GALNT13: variants seen among roughly 807,000 people sequenced by gnomAD.
GALNT13 encodes UDP-GalNAc:polypeptide N-acetylgalactosaminyltransferase 13.
Under a neutral mutation model 64.2 loss-of-function variants are expected in GALNT13, and 28 were observed. That is an observed-to-expected ratio of 0.44 (90% CI 0.32 to 0.60). GALNT13 has a LOEUF of 0.60. Among genes scored for constraint, GALNT13 ranks in the 20% least tolerant of loss-of-function variants. GALNT13 has a pLI of 0.05. For missense variants in GALNT13, 577 were observed against 669.8 expected (o/e 0.86, Z 1.53); for synonymous variants, 214 against 224.6 (o/e 0.95, Z 0.42).
intron 1 of GALNT13, among the ~76,000 whole-genome samples, chr2:153,886,078 C>T (rs72863605): frequency 0.078 from 11,748 of 150,386 alleles, 518 homozygotes; most frequent in East Asian, 0.14. Context: ...ATACGTATAC[C>T]ACAAAAATAT....
At chr2:153,841,914 G>A in the GALNT13 span, among the ~76,000 whole-genome samples, 40 of 152,186 alleles carry the variant, frequency 2.6e-4, no homozygotes, top group Admixed American at 1.5e-3. Context: ...TACTGTTAGC[G>A]GTTCTCAGGG....
At chr2:153,151,597 TAGAC>T in the GALNT13 span, among the ~76,000 whole-genome samples, 103 of 152,218 alleles carry the variant, frequency 6.8e-4, no homozygotes, top group African/African-American at 2.4e-3. Flanking sequence ...CCAACAATGA[TAGAC>T]TGGATTAAGA....
At chr2:153,678,729 G>A in the GALNT13 span, among the ~76,000 whole-genome samples, 12 of 151,992 alleles carry the variant, frequency 7.9e-5, no homozygotes, top group Non-Finnish European at 1.5e-4. Flanking sequence ...GTGTCAAGTG[G>A]AAGCACAGTT....
At chr2:154,354,620 T>TCC (rs60192217) in intron 9 of GALNT13, among the ~76,000 whole-genome samples, 2 of 79,078 alleles carry the variant, frequency 2.5e-5, no homozygotes, top group Non-Finnish European at 6.5e-5. Flanking sequence ...AATCTCACTT[T>TCC]TTTTTTTTTT....
At chr2:153,258,763 A>C in the GALNT13 span, among the ~76,000 whole-genome samples, 2 of 152,100 alleles carry the variant, frequency 1.3e-5, no homozygotes, top group Non-Finnish European at 2.9e-5. Flanking sequence ...GTGTTTGTAT[A>C]GTTTCCATAT....
At chr2:153,109,434 G>T in the GALNT13 span, among the ~76,000 whole-genome samples, 2 of 152,256 alleles carry the variant, frequency 1.3e-5, no homozygotes, top group Admixed American at 6.5e-5. Context: ...ATGGAAAACA[G>T]AACAGACCCT....
chr2:153,962,891 A>G (rs982747833), intron 3 of GALNT13, among the ~76,000 whole-genome samples: 3 of 152,198 alleles, frequency 2.0e-5, no homozygotes, highest in Non-Finnish European at 4.4e-5. Context: ...GTTGAATTGT[A>G]CTACTCAGCA....
chr2:154,073,836 C>T (rs929697552), intron 3 of GALNT13, among the ~76,000 whole-genome samples: 19 of 151,630 alleles, frequency 1.3e-4, no homozygotes, highest in Admixed American at 4.0e-4. Context: ...CAATTTCTAA[C>T]GGAATATATG....
At chr2:153,672,605 G>A in the GALNT13 span, among the ~76,000 whole-genome samples, 1 of 152,250 alleles carries the variant, frequency 6.6e-6, no homozygotes, top group East Asian at 1.9e-4. Context: ...AAGCAGGAAA[G>A]ATCTAAAATC....
the GALNT13 span, among the ~76,000 whole-genome samples, chr2:153,747,422 GTTTTTTT>G: frequency 2.1e-5 from 2 of 93,750 alleles, no homozygotes; most frequent in African/African-American, 1.0e-4. Context: ...AGTGCCTTTG[GTTTTTTT>G]TTTTTTTTTT....
At position 154,013,675 on chromosome 2, in the gene GALNT13, C is replaced by T. The variant is rs186196400; in HGVS notation, c.142+69036C>T. ...GCACGCAGTTGCACCCACCGCTGTG[C>T]GGTGGGCTGCCCACACATCAGCGAG... is the stretch of plus-strand genomic sequence containing the variant. On this transcript the variant is annotated intron_variant, in intron 3 of 12. Transcript: ENST00000392825. 2.3e-3 allele frequency among the ~76,000 whole-genome samples: 348 copies of T among 152,202 alleles called. 2 individuals are homozygous for T. Among genetic ancestry groups the T allele is most frequent in the Admixed American group, 3.7e-3 (56 of 15,296 alleles).
chr2:153,965,741 T>C (rs1298566731), intron 3 of GALNT13, among the ~76,000 whole-genome samples: 1 of 151,298 alleles, frequency 6.6e-6, no homozygotes, highest in Non-Finnish European at 1.5e-5. Flanking sequence ...TATCTTATAA[T>C]CAATGATTTT....
downstream of GALNT13, among the ~76,000 whole-genome samples, chr2:154,455,283 C>T (rs1702017289): frequency 6.6e-6 from 1 of 152,160 alleles, no homozygotes; most frequent in South Asian, 2.1e-4. Flanking sequence ...TGCTCACAAC[C>T]ATTTTACTTG....
the GALNT13 span, among the ~76,000 whole-genome samples, chr2:153,525,767 C>T: frequency 6.6e-6 from 1 of 152,154 alleles, no homozygotes; most frequent in African/African-American, 2.4e-5. Flanking sequence ...GATTCTAGGG[C>T]TTAGTTCTTA....
chr2:153,678,840 C>T, the GALNT13 span, among the ~76,000 whole-genome samples: 2 of 151,932 alleles, frequency 1.3e-5, no homozygotes, highest in Admixed American at 1.3e-4. Context: ...TAGGTTTGTA[C>T]TATGTCAGCT....
At chr2:153,932,786 C>G (rs891889013) in intron 2 of GALNT13, among the ~76,000 whole-genome samples, 1 of 151,870 alleles carries the variant, frequency 6.6e-6, no homozygotes, top group Non-Finnish European at 1.5e-5. Flanking sequence ...TGCCACCACG[C>G]CTGGCTAATT....
the GALNT13 span, among the ~76,000 whole-genome samples, chr2:153,729,735 A>G: frequency 7.9e-5 from 12 of 152,198 alleles, no homozygotes; most frequent in East Asian, 2.1e-3. Flanking sequence ...AATCCTAAAG[A>G]GTCATCCAAA....
chr2:153,604,320 G>A, the GALNT13 span, among the ~76,000 whole-genome samples: 1 of 151,958 alleles, frequency 6.6e-6, no homozygotes, highest in South Asian at 2.1e-4. Flanking sequence ...GAAAATAAAT[G>A]GCATGGTAAT....
At chr2:153,122,488 A>G in the GALNT13 span, among the ~76,000 whole-genome samples, 2 of 152,176 alleles carry the variant, frequency 1.3e-5, no homozygotes, top group Non-Finnish European at 2.9e-5. Context: ...TCAGATTTAC[A>G]TCCTTTGATG....
Sources: allele counts gnomAD v4.1 joint callset (sites outside exome capture counted in the v4.1 genomes callset), GRCh38; gene constraint gnomAD v4.1.1; transcripts MANE v1.5; gene names NCBI Gene and HGNC (gene_info 2026-07-23, HGNC 2026-07-21).